Variants in KIF1A observed in about 807,000 individuals in gnomAD.
The protein encoded by KIF1A is kinesin family member 1A.
KIF1A carries 46 observed loss-of-function variants against 227.3 expected under a neutral mutation model. The observed-to-expected ratio is 0.20, with a 90% CI of 0.16 to 0.26. KIF1A has a LOEUF of 0.26. Ranked by LOEUF, KIF1A falls within the 10% of genes least tolerant of loss-of-function variation. The pLI is 1.00. For missense variants in KIF1A, 1,683 were observed against 2,485.9 expected (o/e 0.68, Z 6.87); for synonymous variants, 1,022 against 1,012.8 (o/e 1.01, Z -0.17).
Position 240,719,124 on chromosome 2 carries a change from A to G in KIF1A, c.5096T>C (p.Val1699Ala). ...CATGTAGGCATAGGGGCGCCGCACC[A>G]CCACGAAGCGCCTGGCCCAGCCTGA... The part of the protein sequence containing the change: ...HTSGWARRFV[V>A]VRRPYAYMYN... The change falls in exon 47 of 49, where the codon GTG (valine) becomes GCG (alanine). Residue 1699 changes from valine to alanine, a missense_variant. Val to Ala is a moderately conservative substitution (Grantham distance 64). This residue lies in a region of KIF1A where 384 missense variants were observed against 410.1 expected (regional missense o/e 0.94). Coordinates refer to ENST00000498729, the MANE Select transcript of KIF1A (RefSeq NM_001244008.2). 1 of 1,612,494 alleles carries G rather than the reference A, an allele frequency of 6.2e-7. No homozygotes were observed. The highest frequency in any genetic ancestry group is 8.5e-7 in the Non-Finnish European group (1 of 1,179,704).
chr2:240,803,961 C>T (rs1254765390), intron 1 of KIF1A, among the ~76,000 whole-genome samples: 1 of 152,190 alleles, frequency 6.6e-6, no homozygotes, highest in African/African-American at 2.4e-5. Flanking sequence ...TCAGTTTGCT[C>T]ATTAAAATTA....
chr2:240,734,027 G>A (rs915806480), intron 38 of KIF1A, among the ~76,000 whole-genome samples: 15 of 152,236 alleles, frequency 9.9e-5, no homozygotes, highest in Admixed American at 9.8e-4. Context: ...GGAGCCTCCT[G>A]CTGGACAACC....
In KIF1A at chr2:240,741,397, G is replaced by A. The variant is rs2047949116; in HGVS notation, c.3641-20C>T. On this transcript the variant is annotated intron_variant, in intron 34 of 48. Transcript: ENST00000498729. Reference sequence around the variant, plus strand: ...CGGGCACTGTAGGGACAGGAGGGAGGCATGCATGGATGGGAGACCTGACCT... The same window carrying A: ...CGGGCACTGTAGGGACAGGAGGGAGACATGCATGGATGGGAGACCTGACCT... 5.3e-6 allele frequency: 8 copies of A among 1,509,780 alleles called. No homozygotes were observed. Among genetic ancestry groups the A allele is most frequent in the Non-Finnish European group, 7.1e-6 (8 of 1,125,588 alleles). The allele number at this position is 1,509,780 out of a possible 1,614,324, so 93.5% of individuals were successfully genotyped here.
In KIF1A at chr2:240,772,607, G is replaced by T; in HGVS notation, c.1181-11C>A. On this transcript the variant is annotated splice_polypyrimidine_tract_variant and intron_variant, in intron 13 of 48. Transcript: ENST00000498729. ...CAGGCACAGTGTTGGCTATGGGGGAGGGAAGCGTGGGGGAGGGGGAGAGAC... is the reference window on the plus strand; with the variant it reads ...CAGGCACAGTGTTGGCTATGGGGGATGGAAGCGTGGGGGAGGGGGAGAGAC... The T allele has an allele frequency of 1.3e-6, 2 of 1,539,598 alleles. No homozygotes were observed. The highest frequency in any genetic ancestry group is 1.8e-6 in the Non-Finnish European group (2 of 1,137,280).
At position 240,798,924 on chromosome 2, in the gene KIF1A, G is replaced by A. The variant is rs535673106; in HGVS notation, c.-60-1112C>T. ...AGTGGTGAGTCCCACATCACCAGAG[G>A]CATCCAAGTAGAGCAAAGGCTGGGA... is the stretch of plus-strand genomic sequence containing the variant. On this transcript the variant is annotated intron_variant, in intron 1 of 48. Coordinates refer to ENST00000498729, the MANE Select transcript of KIF1A (RefSeq NM_001244008.2). 1.2e-4 allele frequency among the ~76,000 whole-genome samples: 18 copies of A among 152,336 alleles called. 1 individual carries two copies. In the South Asian group the frequency reaches 2.5e-3, roughly 21 times the overall value.
chr2:240,720,717 G>A (rs1355114633), intron 45 of KIF1A, 197 bp downstream of exon 45: 1 of 531,974 alleles, frequency 1.9e-6, no homozygotes, highest in South Asian at 3.5e-5. Flanking sequence ...ACACTAGGAT[G>A]GAGCTGGCGG....
chr2:240,784,656 A>C (rs1177258491), intron 7 of KIF1A, among the ~76,000 whole-genome samples: 2 of 152,134 alleles, frequency 1.3e-5, no homozygotes, highest in Admixed American at 1.3e-4. Flanking sequence ...CTGGGGCATG[A>C]GGGCAGGGGA....
chr2:240,717,130 C>T lies in KIF1A; in HGVS notation c.*234G>A. On this transcript the variant is annotated 3_prime_UTR_variant, in exon 49 of 49. Coordinates refer to ENST00000498729, the MANE Select transcript of KIF1A (RefSeq NM_001244008.2). ...GTGCCCTTGGCCCCCCCAGCCTCTC[C>T]CAACTTGTTCCACCAGAGCACATTC... The T allele has an allele frequency of 2.1e-6, 1 of 485,206 alleles. No individual in the cohort carries two copies. The highest frequency in any genetic ancestry group is 3.7e-6 in the Non-Finnish European group (1 of 273,090). The allele number at this position is 485,206 out of a possible 1,614,324, so 30.1% of individuals were successfully genotyped here.
intron 1 of KIF1A, among the ~76,000 whole-genome samples, chr2:240,817,189 C>A (rs958128129): frequency 5.3e-5 from 8 of 152,240 alleles, no homozygotes; most frequent in African/African-American, 1.9e-4. Flanking sequence ...GGCAAGGACG[C>A]AGGCCCAACG....
chr2:240,734,385 C>A (rs1049870652), intron 38 of KIF1A, among the ~76,000 whole-genome samples: 1 of 151,926 alleles, frequency 6.6e-6, no homozygotes, highest in African/African-American at 2.4e-5. Flanking sequence ...GGGTGTGGCG[C>A]GGGGCAGGCA....
intron 1 of KIF1A, among the ~76,000 whole-genome samples, chr2:240,803,984 C>T (rs374903903): frequency 5.3e-5 from 8 of 152,230 alleles, no homozygotes; most frequent in African/African-American, 1.9e-4. Flanking sequence ...ATTTCCTGCC[C>T]GGGTCAGGCG....
chr2:240,808,874 G>A (rs1005857348), intron 1 of KIF1A, among the ~76,000 whole-genome samples: 7 of 151,982 alleles, frequency 4.6e-5, no homozygotes, highest in Non-Finnish European at 7.4e-5. Context: ...GGGATTACAG[G>A]CGCCCACCAC....
intron 2 of KIF1A, among the ~76,000 whole-genome samples, chr2:240,794,807 T>G (rs1410602191): frequency 6.6e-6 from 1 of 152,132 alleles, no homozygotes; most frequent in African/African-American, 2.4e-5. Context: ...GCCTTTTGCT[T>G]GCCGGCAACC....
At chr2:240,737,293 A>T in intron 37 of KIF1A, 125 bp from the exon 38 acceptor site, 1 of 737,654 alleles carries the variant, frequency 1.4e-6, no homozygotes. Flanking sequence ...CGTCTGTCAA[A>T]GGCGGTGCCA....
In KIF1A at chr2:240,745,861, A is replaced by G. The variant is rs775364110; in HGVS notation, c.3251T>C (p.Leu1084Pro). ...CAGGGCAGCATCCAGGGGCCCATCCAGGGCGGCTTTCTCAGAGCTGTCTAG... is the reference window on the plus strand; with the variant it reads ...CAGGGCAGCATCCAGGGGCCCATCCGGGGCGGCTTTCTCAGAGCTGTCTAG... ...LLLDSSEKAA[L>P]DGPLDAALDH... The change falls in exon 31 of 49, where the codon CTG becomes CCG. Residue 1084 changes from leucine (L) to proline (P), a missense_variant. By Grantham distance (98) the Leu-to-Pro change is moderately conservative. This residue lies in a region of KIF1A where 759 missense variants were observed against 1,020.2 expected (regional missense o/e 0.74). Transcript: ENST00000498729. The G allele has an allele frequency of 6.2e-7, 1 of 1,612,014 alleles. No individual in the cohort carries two copies. Among genetic ancestry groups the G allele is most frequent in the Middle Eastern group, 1.7e-4 (1 of 6,054 alleles).
Position 240,745,842 on chromosome 2 carries a change from A to G in KIF1A, c.3270T>C (p.Ala1090=). 1.2e-6 allele frequency: 2 copies of G among 1,612,738 alleles called. No homozygotes were observed. The highest frequency in any genetic ancestry group is 8.5e-7 in the Non-Finnish European group (1 of 1,179,610). The change falls in exon 31 of 49, where the codon GCT becomes GCC. Residue 1090 remains alanine (A), a synonymous_variant. Transcript: ENST00000498729. ...EKAALDGPLD[A]ALDHLRLGNT... ...TGCCCAGGCGGAGGTGGTCCAGGGC[A>G]GCATCCAGGGGCCCATCCAGGGCGG...
chr2:240,781,977 C>T, intron 10 of KIF1A: 4 of 985,440 alleles, frequency 4.1e-6, no homozygotes, highest in Non-Finnish European at 4.8e-6. Flanking sequence ...CTGTGCGTTT[C>T]CCAGTGAGCA....
At chr2:240,741,445 A>G in intron 34 of KIF1A, 68 bp from the exon 35 acceptor site, 1 of 1,244,028 alleles carries the variant, frequency 8.0e-7, no homozygotes, top group South Asian at 1.7e-5. Flanking sequence ...GGGCACACTC[A>G]AGGAGGAGAT....
At chr2:240,811,757 AG>A (rs2057880865) in intron 1 of KIF1A, among the ~76,000 whole-genome samples, 3 of 152,088 alleles carry the variant, frequency 2.0e-5, no homozygotes, top group Non-Finnish European at 4.4e-5. Flanking sequence ...AGGAAGCCAG[AG>A]GGGTTGGGAT....
Sources: gnomAD v4.1 joint callset for allele counts (sites outside exome capture counted in the v4.1 genomes callset) on GRCh38, gnomAD v4.1.1 for gene constraint, gnomAD v4.1.1 regional missense constraint, MANE v1.5 for transcripts, NCBI Gene and HGNC (gene_info 2026-07-23, HGNC 2026-07-21) for gene names.